Variants in EFCC1 observed in about 807,000 individuals in gnomAD.
The protein encoded by EFCC1 is EF-hand and coiled-coil domain-containing protein 1.
In EFCC1, 50 loss-of-function variants were observed where a neutral mutation model predicts 52.1. The ratio of observed to expected loss-of-function variants is 0.96; its 90% confidence interval spans 0.76 to 1.21. The LOEUF is 1.21. Among genes scored for constraint, EFCC1 ranks in the 50% most tolerant of loss-of-function variants. EFCC1 has a pLI of 0.00. For missense variants in EFCC1, 837 were observed against 867.3 expected (o/e 0.97, Z 0.44); for synonymous variants, 399 against 396.5 (o/e 1.01, Z -0.08).
Position 129,014,609 on chromosome 3 carries a change from C to G in EFCC1, c.980+10532C>G, listed in dbSNP as rs1945488300. 6.6e-6 allele frequency among the ~76,000 whole-genome samples: 1 copy of G among 152,296 alleles called. No homozygotes were observed. Among genetic ancestry groups the G allele is most frequent in the Middle Eastern group, 3.4e-3 (1 of 294 alleles). On this transcript the variant is annotated intron_variant, in intron 2 of 7. Transcript: ENST00000683648. This position sits in a 1 kb window ranked among gnomAD's most constrained non-coding sequence, Gnocchi z 4.3. The stretch of plus-strand genomic sequence containing the variant: ...CCAAATAAGATCACATTATGAGGAG[C>G]TCTGGGGGTCTGGACATCAACATAT...
At chr3:129,030,131 G>A (rs1276740598) in intron 2 of EFCC1, among the ~76,000 whole-genome samples, 1 of 152,056 alleles carries the variant, frequency 6.6e-6, no homozygotes, top group African/African-American at 2.4e-5. Flanking sequence ...GCTGCAGTGA[G>A]CCAAGATCAT....
intron 2 of EFCC1, chr3:129,030,494 T>A (rs1946250096): frequency 2.3e-6 from 1 of 431,926 alleles, no homozygotes; most frequent in Non-Finnish European, 3.8e-6. Context: ...TTGCCTTGAG[T>A]CCCATTGGCT....
chr3:129,003,669 C>T, intron 1 of EFCC1, 125 bp from the exon 2 acceptor site: 1 of 975,654 alleles, frequency 1.0e-6, no homozygotes, highest in Non-Finnish European at 1.3e-6. Flanking sequence ...CGGAAGCAGA[C>T]GGCGCAAGAA....
chr3:129,001,728 C>T lies in EFCC1; in HGVS notation c.100C>T (p.Leu34=). Residue 34 remains leucine, a synonymous_variant, in exon 1 of 8, where the codon CTG becomes TTG. Coordinates refer to ENST00000683648, the MANE Select transcript of EFCC1 (RefSeq NM_001377500.1). The part of the protein sequence containing the change: ...ARRTQWLLSA[L]AHHYGLDRGV... ...GCGCACGCAGTGGCTGCTGAGCGCCCTGGCGCACCACTACGGGCTGGACCG... is the reference window on the plus strand; with the variant it reads ...GCGCACGCAGTGGCTGCTGAGCGCCTTGGCGCACCACTACGGGCTGGACCG... The T allele has an allele frequency of 6.6e-7, 1 of 1,524,096 alleles. No individual in the cohort carries two copies. Among genetic ancestry groups the T allele is most frequent in the South Asian group, 1.2e-5 (1 of 81,802 alleles). 94.4% of individuals were successfully genotyped at this position (1,524,096 alleles called of 1,614,324 possible). A position where few individuals can be genotyped will look rare whatever the true frequency, so the allele number is the denominator to read the frequency against.
chr3:129,028,647 TTTTTC>T (rs981490415), intron 2 of EFCC1, among the ~76,000 whole-genome samples: 3 of 144,568 alleles, frequency 2.1e-5, no homozygotes, highest in Admixed American at 1.5e-4. Context: ...TTTTCTTTTT[TTTTTC>T]TTTTCTTTTG....
At chr3:129,032,690 G>A in intron 3 of EFCC1, 129 bp from the exon 4 acceptor site, 1 of 1,337,604 alleles carries the variant, frequency 7.5e-7, no homozygotes, top group South Asian at 1.5e-5. Flanking sequence ...GGGATGTGGG[G>A]GTGGCTGTCT....
Position 129,002,021 on chromosome 3 carries a change from G to C in EFCC1, c.393G>C (p.Leu131=). 6.5e-7 allele frequency: 1 copy of C among 1,544,924 alleles called. No homozygotes were observed. Among genetic ancestry groups the C allele is most frequent in the Non-Finnish European group, 8.7e-7 (1 of 1,144,884 alleles). The change falls in exon 1 of 8, where the codon CTG becomes CTC. Residue 131 remains leucine, a synonymous_variant. Transcript: ENST00000683648. ...CAGATACCGATGAAGAGGCGCGCCT[G>C]GCGCTGCGCGCCGAGCCGCCGGAGC... ...GDSDTDEEAR[L]ALRAEPPELT...
intron 2 of EFCC1, among the ~76,000 whole-genome samples, chr3:129,028,857 G>A (rs577010945): frequency 8.2e-4 from 124 of 152,116 alleles, no homozygotes; most frequent in African/African-American, 2.7e-3. Flanking sequence ...TGGCCAGGCT[G>A]GTCTCAATCT....
At chr3:129,038,712 A>T in intron 6 of EFCC1, 119 bp from the exon 7 acceptor site, 1 of 932,610 alleles carries the variant, frequency 1.1e-6, no homozygotes. Context: ...AGGGTGGGGG[A>T]GGAGCTTTAT....
chr3:129,032,928 C>T lies in EFCC1; in HGVS notation c.1248C>T (p.Ala416=). The change falls in exon 4 of 8, where the codon GCC becomes GCT. Residue 416 remains alanine, a synonymous_variant. Coordinates refer to ENST00000683648, the MANE Select transcript of EFCC1 (RefSeq NM_001377500.1). ...AGAAGAAGACGCCGGCAGCCGAGGC[C>T]AAGACACTGCTGGCCCGGCTCTCCA... is the stretch of plus-strand genomic sequence containing the variant. ...QEEKKTPAAE[A]KTLLARLSSC... is the part of the protein sequence containing the mutation. 1 of 1,550,222 alleles carries T rather than the reference C, an allele frequency of 6.5e-7. No individual in the cohort carries two copies. Among genetic ancestry groups the T allele is most frequent in the Middle Eastern group, 1.8e-4 (1 of 5,660 alleles).
intron 3 of EFCC1, among the ~76,000 whole-genome samples, chr3:129,031,747 C>A (rs1028918853): frequency 6.6e-6 from 1 of 152,224 alleles, no homozygotes; most frequent in Non-Finnish European, 1.5e-5. Context: ...ACAGCAGGCA[C>A]TCCCCTCATA....
chr3:129,017,187 G>A (rs1263489113), intron 2 of EFCC1, among the ~76,000 whole-genome samples: 1 of 152,242 alleles, frequency 6.6e-6, no homozygotes, highest in Non-Finnish European at 1.5e-5. Context: ...CCAATCTGAA[G>A]GAAGCTTCAT....
intron 3 of EFCC1, 74 bp from the exon 4 acceptor site, chr3:129,032,745 C>T: frequency 6.6e-7 from 1 of 1,515,716 alleles, no homozygotes; most frequent in Non-Finnish European, 8.9e-7. Context: ...GGCTGCGCTG[C>T]ACATGTCCCC....
chr3:129,038,323 C>G (rs974472373), intron 6 of EFCC1, among the ~76,000 whole-genome samples: 3 of 152,162 alleles, frequency 2.0e-5, no homozygotes, highest in Non-Finnish European at 4.4e-5. Context: ...GGATGGGCCC[C>G]AAGAGGCCAA....
chr3:129,023,781 G>C (rs1055892941), intron 2 of EFCC1, among the ~76,000 whole-genome samples: 1 of 152,230 alleles, frequency 6.6e-6, no homozygotes, highest in Non-Finnish European at 1.5e-5. Flanking sequence ...TTAGGAATCT[G>C]CATTATCCTA....
chr3:129,005,320 G>A (rs781163548), intron 2 of EFCC1, among the ~76,000 whole-genome samples: 3 of 152,220 alleles, frequency 2.0e-5, no homozygotes, highest in South Asian at 4.1e-4. Flanking sequence ...GAGGAGAAGA[G>A]AGAACATTCC....
Position 129,014,690 on chromosome 3 carries a change from G to A in EFCC1, c.980+10613G>A, listed in dbSNP as rs1945491989. On this transcript the variant is annotated intron_variant, in intron 2 of 7. Transcript: ENST00000683648. The surrounding 1 kb of genome is among the most constrained non-coding windows in gnomAD (Gnocchi z 4.3). ...GGAGACTTCTCTGAGATGTGACCCT[G>A]GAATTGAGGCCTGAGTGGCAAGGTG... Among the ~76,000 whole-genome samples the A allele has an allele frequency of 6.6e-6, 1 of 152,186 alleles. No individual in the cohort carries two copies.
intron 2 of EFCC1, among the ~76,000 whole-genome samples, chr3:129,022,094 T>G (rs1447970804): frequency 6.6e-6 from 1 of 152,176 alleles, no homozygotes; most frequent in Non-Finnish European, 1.5e-5. Context: ...TTACCAAGCT[T>G]CAGATCCTCT....
At chr3:129,007,157 A>G (rs1004196112) in intron 2 of EFCC1, among the ~76,000 whole-genome samples, 2 of 152,158 alleles carry the variant, frequency 1.3e-5, no homozygotes, top group Admixed American at 6.5e-5. Flanking sequence ...AGTATGCACA[A>G]ATCCTTCTGG....
Sources: allele counts gnomAD v4.1 joint callset (sites outside exome capture counted in the v4.1 genomes callset), GRCh38; gene constraint gnomAD v4.1.1; non-coding constraint Gnocchi (gnomAD v3.1); transcripts MANE v1.5; gene names NCBI Gene and HGNC (gene_info 2026-07-23, HGNC 2026-07-21).